Variants in PDE1C observed in about 807,000 individuals in gnomAD.
PDE1C encodes the protein phosphodiesterase 1C.
PDE1C carries 62 observed loss-of-function variants against 93.1 expected under a neutral mutation model. The observed-to-expected ratio is 0.67, with a 90% CI of 0.54 to 0.82. The LOEUF (loss-of-function observed/expected upper bound fraction) is 0.82, where lower values mean the gene tolerates loss of function less well. Among genes scored for constraint, PDE1C ranks in the 40% least tolerant of loss-of-function variants. PDE1C has a pLI of 0.00. For synonymous variants in PDE1C, 325 were observed against 310.1 expected (o/e 1.05, Z -0.50); for missense variants, 742 against 884.6 (o/e 0.84, Z 2.04).
At chr7:32,354,450 G>A (rs1783993833) in intron 1 of PDE1C, among the ~76,000 whole-genome samples, 1 of 152,074 alleles carries the variant, frequency 6.6e-6, no homozygotes, top group Non-Finnish European at 1.5e-5. Flanking sequence ...AACATAGTGG[G>A]ACCCTGTCTC....
At chr7:32,202,765 GA>G (rs1237010316) in intron 2 of PDE1C, among the ~76,000 whole-genome samples, 1 of 152,066 alleles carries the variant, frequency 6.6e-6, no homozygotes. Flanking sequence ...GTGTAGATAA[GA>G]AGCTAGTAGC....
At chr7:32,081,634 CTT>C (rs1437466704) in intron 3 of PDE1C, among the ~76,000 whole-genome samples, 1 of 152,190 alleles carries the variant, frequency 6.6e-6, no homozygotes. Context: ...CTTTTGACCA[CTT>C]TTTCTCTTCA....
chr7:32,109,216 A>T (rs1798511074), intron 3 of PDE1C, among the ~76,000 whole-genome samples: 1 of 152,190 alleles, frequency 6.6e-6, no homozygotes, highest in Non-Finnish European at 1.5e-5. Context: ...AAACTAGATA[A>T]AAACTAAATA....
At chr7:31,891,805 TAC>T (rs70989620) in intron 2 of PDE1C, among the ~76,000 whole-genome samples, 29,679 of 145,702 alleles carry the variant, frequency 0.2, 2,853 homozygotes, top group South Asian at 0.33. Context: ...AATGCATTCA[TAC>T]ACACACACAC....
chr7:32,170,197 G>A (rs551286065), intron 2 of PDE1C, among the ~76,000 whole-genome samples: 2 of 152,206 alleles, frequency 1.3e-5, no homozygotes, highest in East Asian at 3.9e-4. Context: ...TCATTGCAGT[G>A]GTGATCAGCC....
At chr7:32,154,435 GATA>G (rs1370197066) in intron 3 of PDE1C, among the ~76,000 whole-genome samples, 2 of 152,148 alleles carry the variant, frequency 1.3e-5, no homozygotes, top group Non-Finnish European at 2.9e-5. Context: ...CTCACCCAGT[GATA>G]ATATTTTACA....
intron 2 of PDE1C, among the ~76,000 whole-genome samples, chr7:32,014,636 G>A (rs966414643): frequency 3.9e-5 from 6 of 152,050 alleles, no homozygotes; most frequent in Non-Finnish European, 7.4e-5. Flanking sequence ...ACAGGCCCCA[G>A]TATGTGTTGT....
the PDE1C span, among the ~76,000 whole-genome samples, chr7:31,720,102 G>T: frequency 7.1e-6 from 1 of 141,318 alleles, no homozygotes; most frequent in South Asian, 2.2e-4. Flanking sequence ...AGCGGAGCTT[G>T]CAGTGAGCCG....
intron 17 of PDE1C, 79 bp from the exon 18 acceptor site, chr7:31,753,632 T>C: frequency 1.3e-6 from 2 of 1,509,302 alleles, no homozygotes; most frequent in African/African-American, 1.4e-5. Flanking sequence ...GTGAGCAACT[T>C]CCTCTAGACC....
At chr7:31,696,558 G>A in the PDE1C span, among the ~76,000 whole-genome samples, 4 of 152,158 alleles carry the variant, frequency 2.6e-5, no homozygotes, top group Non-Finnish European at 4.4e-5. Flanking sequence ...GTGTGCAGAC[G>A]CAGCTTGCAA....
the PDE1C span, among the ~76,000 whole-genome samples, chr7:31,713,654 C>G: frequency 1.3e-5 from 2 of 152,248 alleles, no homozygotes; most frequent in Admixed American, 6.5e-5. Flanking sequence ...AAACTTCTGC[C>G]TGGGCATCCA....
chr7:31,873,511 TCA>T (rs369086888), intron 5 of PDE1C, 103 bp from the exon 6 acceptor site: 126 of 713,140 alleles, frequency 1.8e-4, no homozygotes, highest in African/African-American at 1.8e-3. Context: ...ACTGGAGATT[TCA>T]CAGTGTGACA....
chr7:32,112,840 GTGTGTGTATATA>G (rs1433926464), intron 3 of PDE1C, among the ~76,000 whole-genome samples: 32 of 53,666 alleles, frequency 6.0e-4, no homozygotes, highest in South Asian at 8.5e-4. Flanking sequence ...GTGTGTGTGT[GTGTGTGTATATA>G]TATATATATA....
At chr7:31,687,952 A>T in the PDE1C span, among the ~76,000 whole-genome samples, 1 of 152,178 alleles carries the variant, frequency 6.6e-6, no homozygotes, top group African/African-American at 2.4e-5. Context: ...AATCAGTTCT[A>T]TTATGTTCCC....
At chr7:31,733,447 G>A in the PDE1C span, among the ~76,000 whole-genome samples, 1 of 152,274 alleles carries the variant, frequency 6.6e-6, no homozygotes, top group Admixed American at 6.5e-5. Context: ...CATAGGCAGA[G>A]AACAGCCACT....
At chr7:31,742,894 T>G in the PDE1C span, among the ~76,000 whole-genome samples, 3 of 152,296 alleles carry the variant, frequency 2.0e-5, no homozygotes, top group Non-Finnish European at 4.4e-5. Flanking sequence ...CCCACCCTAC[T>G]CCAATGATCT....
chr7:32,189,871 T>C (rs375989350), intron 2 of PDE1C, among the ~76,000 whole-genome samples: 1 of 152,226 alleles, frequency 6.6e-6, no homozygotes. Flanking sequence ...GAAAGAACTG[T>C]GACTTACTCA....
chr7:32,095,828 T>A (rs1797721285), intron 3 of PDE1C, among the ~76,000 whole-genome samples: 1 of 152,154 alleles, frequency 6.6e-6, no homozygotes, highest in Admixed American at 6.5e-5. Flanking sequence ...TAGACCTAAC[T>A]GAACACTGCC....
At chr7:31,969,451 C>T (rs1215055566) in intron 2 of PDE1C, among the ~76,000 whole-genome samples, 1 of 152,178 alleles carries the variant, frequency 6.6e-6, no homozygotes, top group African/African-American at 2.4e-5. Flanking sequence ...GATACCATCA[C>T]ACACCAGTTA....
Sources: gnomAD v4.1 joint callset for allele counts (sites outside exome capture counted in the v4.1 genomes callset) on GRCh38, gnomAD v4.1.1 for gene constraint, MANE v1.5 for transcripts, NCBI Gene and HGNC (gene_info 2026-07-23, HGNC 2026-07-21) for gene names.